WWOX: variants seen among roughly 807,000 people sequenced by gnomAD.
WWOX encodes WW domain-containing oxidoreductase.
WWOX carries 69 observed loss-of-function variants against 46.2 expected under a neutral mutation model. That is an observed-to-expected ratio of 1.49 (90% CI 1.23 to 1.82). The LOEUF (loss-of-function observed/expected upper bound fraction) is 1.82. Ranked by LOEUF, WWOX falls within the 40% of genes most tolerant of loss-of-function variation. WWOX has a pLI of 0.00. For missense variants in WWOX, 919 were observed against 542.6 expected, an observed-to-expected ratio of 1.69 and a Z score of -6.89; for synonymous variants, 359 against 202.6, an observed-to-expected ratio of 1.77 and a Z score of -6.56.
rs554872205 is a variant in WWOX at position 78,402,467 on chromosome 16, ACAT to A, written c.605+15523_605+15525del. Among the ~76,000 whole-genome samples the A allele has an allele frequency of 2.6e-3, 389 of 152,222 alleles. 1 individual carries two copies. Among genetic ancestry groups the A allele is most frequent in the Non-Finnish European group, 4.5e-3 (304 of 68,014 alleles). ...TGTGATTATTATACCTTATTTGTAA[ACAT>A]CATGGGTGGGGGGTTGCAGTAAACA... On this transcript the variant is annotated intron_variant, in intron 6 of 8. Coordinates refer to ENST00000566780, the MANE Select transcript of WWOX (RefSeq NM_016373.4).
intron 5 of WWOX, among the ~76,000 whole-genome samples, chr16:78,187,115 C>G (rs2035735536): frequency 6.6e-6 from 1 of 152,156 alleles, no homozygotes; most frequent in Admixed American, 6.5e-5. Context: ...ACACCCTTTA[C>G]CTTAGTTTTT....
chr16:78,499,618 C>T (rs139941944), intron 8 of WWOX, among the ~76,000 whole-genome samples: 3 of 152,178 alleles, frequency 2.0e-5, no homozygotes, highest in East Asian at 1.9e-4. Flanking sequence ...TAGTGTAGAG[C>T]ACTAGTTGTA....
At chr16:79,003,532 G>A (rs893805768) in intron 8 of WWOX, among the ~76,000 whole-genome samples, 3 of 152,162 alleles carry the variant, frequency 2.0e-5, no homozygotes, top group Non-Finnish European at 4.4e-5. Flanking sequence ...TTGGCTGGTT[G>A]AGTCTCCTCT....
At chr16:78,600,704 A>C (rs1049049456) in intron 8 of WWOX, among the ~76,000 whole-genome samples, 5 of 152,154 alleles carry the variant, frequency 3.3e-5, no homozygotes, top group African/African-American at 1.2e-4. Context: ...AACGACAGCA[A>C]GACAATAGGG....
intron 8 of WWOX, among the ~76,000 whole-genome samples, chr16:78,687,214 A>G (rs766907157): frequency 2.2e-4 from 34 of 152,336 alleles, no homozygotes; most frequent in Middle Eastern, 6.8e-3. Flanking sequence ...ATGATATAAC[A>G]GTAAATCCAA....
intron 8 of WWOX, among the ~76,000 whole-genome samples, chr16:79,051,839 G>A (rs2048172941): frequency 6.6e-6 from 1 of 152,284 alleles, no homozygotes; most frequent in Admixed American, 6.5e-5. Context: ...AGAAATCAAT[G>A]TACTTTATGT....
intron 8 of WWOX, chr16:78,897,002 T>G (rs1158289314): frequency 6.7e-6 from 1 of 149,530 alleles, no homozygotes; most frequent in Admixed American, 6.7e-5. Context: ...CTGAGGAGGG[T>G]GGACCACTTG....
chr16:79,094,614 A>G (rs529876274), intron 8 of WWOX, among the ~76,000 whole-genome samples: 2 of 152,250 alleles, frequency 1.3e-5, no homozygotes, highest in Admixed American at 1.3e-4. Flanking sequence ...TAACCGTTTC[A>G]AAAACCCATC....
intron 8 of WWOX, among the ~76,000 whole-genome samples, chr16:78,467,659 T>A (rs2084113382): frequency 6.6e-6 from 1 of 152,102 alleles, no homozygotes; most frequent in African/African-American, 2.4e-5. Flanking sequence ...TTCATTAGAG[T>A]AGAAAGAGAT....
chr16:79,014,584 C>A (rs1353467529), intron 8 of WWOX, among the ~76,000 whole-genome samples: 1 of 152,140 alleles, frequency 6.6e-6, no homozygotes, highest in East Asian at 1.9e-4. Context: ...CAAAAACAAC[C>A]CAACTCCTAG....
intron 4 of WWOX, among the ~76,000 whole-genome samples, chr16:78,120,944 C>G (rs890661011): frequency 6.6e-6 from 1 of 151,664 alleles, no homozygotes; most frequent in Non-Finnish European, 1.5e-5. Context: ...CTAAATGTTA[C>G]TAAATTTTGC....
chr16:78,587,680 C>A (rs191007546), intron 8 of WWOX, among the ~76,000 whole-genome samples: 44 of 152,094 alleles, frequency 2.9e-4, no homozygotes, highest in Admixed American at 1.8e-3. Context: ...TGAAGTGACC[C>A]AGATAGGGAG....
At chr16:78,198,674 C>T (rs1401217143) in intron 5 of WWOX, among the ~76,000 whole-genome samples, 2 of 152,170 alleles carry the variant, frequency 1.3e-5, no homozygotes, top group Admixed American at 6.6e-5. Flanking sequence ...TTTGCTGTTA[C>T]GAGCATGGAT....
In WWOX at chr16:78,352,010, G is replaced by T. The variant is rs1467957730; in HGVS notation, c.517-34850G>T. On this transcript the variant is annotated intron_variant, in intron 5 of 8. Transcript: ENST00000566780. ...CAAGAGTCAAACACTCAAATGTTTG[G>T]TGGGAGCAGTTGATGATCCAGAGCT... Among the ~76,000 whole-genome samples the T allele has an allele frequency of 2.6e-5, 4 of 152,292 alleles. No individual in the cohort carries two copies. The East Asian group carries it at 7.8e-4, about 30-fold the overall frequency.
intron 8 of WWOX, among the ~76,000 whole-genome samples, chr16:79,084,050 C>CTTG (rs2048810455): frequency 6.6e-6 from 1 of 152,140 alleles, no homozygotes; most frequent in African/African-American, 2.4e-5. Flanking sequence ...CAGGCAGAAC[C>CTTG]AGACCATCGT....
intron 4 of WWOX, among the ~76,000 whole-genome samples, chr16:78,140,442 C>A (rs1223088803): frequency 6.6e-6 from 1 of 152,228 alleles, no homozygotes; most frequent in East Asian, 1.9e-4. Context: ...TTTATTGTTT[C>A]CAAGTTCTAG....
chr16:78,186,963 G>A lies in WWOX; in HGVS notation c.516+22674G>A, dbSNP rs137865177. 2.7e-3 allele frequency among the ~76,000 whole-genome samples: 406 copies of A among 152,160 alleles called. 2 individuals carry two copies. The highest frequency in any genetic ancestry group is 9.3e-3 in the African/African-American group (387 of 41,512). On this transcript the variant is annotated intron_variant, in intron 5 of 8. Transcript: ENST00000566780. ...TATTAACTAACTACAGATTTTATCCGAGTTCTGCTAGTGTTTGCATGTACT... is the reference window on the plus strand; with the variant it reads ...TATTAACTAACTACAGATTTTATCCAAGTTCTGCTAGTGTTTGCATGTACT...
At chr16:78,701,348 G>A (rs899511310) in intron 8 of WWOX, among the ~76,000 whole-genome samples, 1 of 151,994 alleles carries the variant, frequency 6.6e-6, no homozygotes, top group East Asian at 1.9e-4. Flanking sequence ...TAGTGCTGGC[G>A]TTTCAGGCTT....
intron 4 of WWOX, among the ~76,000 whole-genome samples, chr16:78,151,854 C>G (rs553782397): frequency 6.6e-4 from 101 of 152,330 alleles, no homozygotes; most frequent in African/African-American, 2.2e-3. Context: ...ACTTTTGTGT[C>G]TTACGTGCAC....
Sources: allele counts gnomAD v4.1 joint callset (sites outside exome capture counted in the v4.1 genomes callset), GRCh38; gene constraint gnomAD v4.1.1; transcripts MANE v1.5; gene names NCBI Gene and HGNC (gene_info 2026-07-23, HGNC 2026-07-21).